RBL2: variants seen among roughly 807,000 people sequenced by gnomAD.
The protein encoded by RBL2 is RB transcriptional corepressor like 2, also known as retinoblastoma-like protein 2.
RBL2 carries 56 observed loss-of-function variants against 126.0 expected under a neutral mutation model. The ratio of observed to expected loss-of-function variants is 0.44; its 90% CI spans 0.36 to 0.56. RBL2 has a LOEUF of 0.56. Among genes scored for constraint, RBL2 ranks in the 20% least tolerant of loss-of-function variants. RBL2 has a pLI of 0.00. For missense variants in RBL2, 1,229 were observed against 1,398.2 expected (o/e 0.88, Z 1.93); for synonymous variants, 454 against 478.5 (o/e 0.95, Z 0.67).
chr16:53,469,236 T>TA (rs1022889298), intron 14 of RBL2, among the ~76,000 whole-genome samples: 1 of 151,842 alleles, frequency 6.6e-6, no homozygotes, highest in African/African-American at 2.4e-5. Context: ...TCTCAAAAAA[T>TA]AAAAAAAATA....
In RBL2 at chr16:53,462,636, T is replaced by C; in HGVS notation, c.1541T>C (p.Leu514Pro). ...GTTATTGAGCAGGAACAAAAAAGAC[T>C]AGGAGACATGGATTTATCTGTGAGT... ...ESVIEQEQKR[L>P]GDMDLSGILE... Residue 514 changes from leucine to proline, a missense_variant, in exon 11 of 22, where the codon CTA (leucine) becomes CCA (proline). Coordinates refer to ENST00000262133, the MANE Select transcript of RBL2 (RefSeq NM_005611.4). 6.4e-7 allele frequency: 1 copy of C among 1,555,536 alleles called. No homozygotes were observed. The highest frequency in any genetic ancestry group is 1.7e-4 in the Middle Eastern group (1 of 5,912).
At chr16:53,485,005 A>T (rs1598135108) in intron 21 of RBL2, among the ~76,000 whole-genome samples, 2 of 41,144 alleles carry the variant, frequency 4.9e-5, no homozygotes, top group African/African-American at 1.2e-4. Context: ...AACCCTAAAT[A>T]AAAAAAAAAA....
chr16:53,470,538 G>A lies in RBL2; in HGVS notation c.2401G>A (p.Val801Ile), dbSNP rs145766693. 4 of 1,614,160 alleles carry A rather than the reference G, an allele frequency of 2.5e-6. No individual in the cohort carries two copies. Among genetic ancestry groups the A allele is most frequent in the Non-Finnish European group, 2.5e-6 (3 of 1,180,048 alleles). ...ACAGGTGACAGGAACAACTTTGCAA[G>A]TCCCTGGTCAAGTGGCCATTCAACA... ...SQQVTGTTLQVPGQVAIQQIS... is the reference protein window; with the variant it reads ...SQQVTGTTLQIPGQVAIQQIS... Residue 801 changes from valine to isoleucine, a missense_variant, in exon 16 of 22, where the codon GTC (valine) becomes ATC (isoleucine). Physicochemically the swap from Val to Ile is conservative, Grantham distance 29. Transcript: ENST00000262133.
At chr16:53,457,131 C>A (rs1280637115) in intron 8 of RBL2, among the ~76,000 whole-genome samples, 1 of 151,662 alleles carries the variant, frequency 6.6e-6, no homozygotes, top group East Asian at 1.9e-4. Flanking sequence ...TTAGAGATGT[C>A]TTTTAAGCAT....
At chr16:53,477,214 C>T (rs1225772355) in intron 17 of RBL2, among the ~76,000 whole-genome samples, 1 of 152,196 alleles carries the variant, frequency 6.6e-6, no homozygotes, top group Non-Finnish European at 1.5e-5. Flanking sequence ...TGTACAACTC[C>T]ACCAGTACAT....
intron 3 of RBL2, among the ~76,000 whole-genome samples, chr16:53,446,382 C>G (rs13337230): frequency 0.052 from 7,921 of 152,180 alleles, 622 homozygotes; most frequent in African/African-American, 0.17. Flanking sequence ...CTAATCTAAT[C>G]TTCTCCACGG....
In RBL2 at chr16:53,436,484, T is replaced by A. The variant is rs2057959681; in HGVS notation, c.240+1688T>A. ...CAGTAAAATATTCATCAAATATTTCTTGAGCACCTATTACTTGCTACACAT... is the reference window on the plus strand; with the variant it reads ...CAGTAAAATATTCATCAAATATTTCATGAGCACCTATTACTTGCTACACAT... On this transcript the variant is annotated intron_variant, in intron 1 of 21. Coordinates refer to ENST00000262133, the MANE Select transcript of RBL2 (RefSeq NM_005611.4). Among the ~76,000 whole-genome samples the A allele has an allele frequency of 1.3e-5, 2 of 152,356 alleles. 1 individual carries two copies. The highest frequency in any genetic ancestry group is 6.8e-3 in the Middle Eastern group (2 of 294).
chr16:53,463,120 C>T (rs990316505), intron 11 of RBL2, among the ~76,000 whole-genome samples: 1 of 152,104 alleles, frequency 6.6e-6, no homozygotes, highest in African/African-American at 2.4e-5. Context: ...GGATTACAGG[C>T]GTGAGCCACC....
chr16:53,457,258 C>T (rs1598104066), intron 8 of RBL2, among the ~76,000 whole-genome samples: 73 of 89,940 alleles, frequency 8.1e-4, no homozygotes, highest in South Asian at 1.6e-3. Context: ...GTACAGATAG[C>T]TTTTTTTTTT....
chr16:53,482,734 C>T (rs1049279113), intron 21 of RBL2, among the ~76,000 whole-genome samples: 4 of 150,660 alleles, frequency 2.7e-5, no homozygotes, highest in African/African-American at 4.9e-5. Context: ...AGCTTGAACC[C>T]AGGAGGTGGA....
intron 3 of RBL2, among the ~76,000 whole-genome samples, chr16:53,445,587 A>C (rs1289176740): frequency 6.6e-6 from 1 of 152,174 alleles, no homozygotes; most frequent in Non-Finnish European, 1.5e-5. Flanking sequence ...GGGTCGCACA[A>C]CCAAGCGTGG....
At chr16:53,477,758 A>G (rs190924916) in intron 17 of RBL2, among the ~76,000 whole-genome samples, 1 of 152,258 alleles carries the variant, frequency 6.6e-6, no homozygotes, top group East Asian at 1.9e-4. Flanking sequence ...GTAGGCAAAT[A>G]TGTTACATTT....
In RBL2 at chr16:53,437,308, G is replaced by GTT. The variant is rs773590950; in HGVS notation, c.241-1695_241-1694dup. ...TATATGTGATACACAGATCTTGGCTGTTTTTTTTTTTTTTACAAAAGAACA... is the reference window on the plus strand; with the variant it reads ...TATATGTGATACACAGATCTTGGCTGTTTTTTTTTTTTTTTTACAAAAGAACA... On this transcript the variant is annotated intron_variant, in intron 1 of 21. Coordinates refer to ENST00000262133, the MANE Select transcript of RBL2 (RefSeq NM_005611.4). 4.8e-4 allele frequency among the ~76,000 whole-genome samples: 67 copies of GTT among 138,610 alleles called. No homozygotes were observed. In the South Asian group the frequency reaches 5.3e-3, roughly 11 times the overall value. The allele number at this position is 138,610 out of a possible 152,430, so 90.9% of individuals were successfully genotyped here. A position where few individuals can be genotyped will look rare whatever the true frequency, so the allele number is the denominator to read the frequency against.
chr16:53,453,286 A>G (rs2058133203), intron 5 of RBL2, among the ~76,000 whole-genome samples, 166 bp from the exon 6 acceptor site: 1 of 152,140 alleles, frequency 6.6e-6, no homozygotes, highest in Non-Finnish European at 1.5e-5. Flanking sequence ...TCTATTTGCC[A>G]TTTTTTGACA....
rs980785231 is a variant in RBL2 at position 53,469,941 on chromosome 16, C to T, written c.2001C>T (p.Tyr667=). The T allele has an allele frequency of 1.1e-5, 18 of 1,594,992 alleles. No homozygotes were observed. Among genetic ancestry groups the T allele is most frequent in the South Asian group, 3.4e-5 (3 of 89,216 alleles). The change falls in exon 15 of 22, where the codon TAC becomes TAT. Residue 667 remains tyrosine, a synonymous_variant. Coordinates refer to ENST00000262133, the MANE Select transcript of RBL2 (RefSeq NM_005611.4). The part of the protein sequence containing the change: ...GRSITSPTTL[Y]DRYSSPPAST... ...GCATAACATCTCCAACCACATTATA[C>T]GATAGGTACAGCTCCCCACCAGCCA...
intron 8 of RBL2, among the ~76,000 whole-genome samples, chr16:53,456,997 G>C (rs775172704): frequency 2.0e-5 from 3 of 152,116 alleles, no homozygotes; most frequent in East Asian, 3.8e-4. Flanking sequence ...GCTGTGACCA[G>C]TGTTGTATGC....
chr16:53,469,059 A>C (rs1208097663), intron 14 of RBL2, among the ~76,000 whole-genome samples: 6 of 152,142 alleles, frequency 3.9e-5, no homozygotes, highest in Admixed American at 3.9e-4. Flanking sequence ...GTGAGACCTC[A>C]TCTCTACTAA....
At chr16:53,438,384 A>C (rs1050586732) in intron 1 of RBL2, among the ~76,000 whole-genome samples, 1 of 152,174 alleles carries the variant, frequency 6.6e-6, no homozygotes, top group African/African-American at 2.4e-5. Flanking sequence ...AGTGGAATCT[A>C]TACTGCCTTG....
At chr16:53,457,505 C>T (rs750232229) in intron 8 of RBL2, among the ~76,000 whole-genome samples, 9 of 151,752 alleles carry the variant, frequency 5.9e-5, no homozygotes, top group South Asian at 4.2e-4. Context: ...ATGATCTTCC[C>T]GCCTCGGCTT....
Sources: gnomAD v4.1 joint callset for allele counts (sites outside exome capture counted in the v4.1 genomes callset) on GRCh38, gnomAD v4.1.1 for gene constraint, MANE v1.5 for transcripts, NCBI Gene and HGNC (gene_info 2026-07-23, HGNC 2026-07-21) for gene names.